The following ZFP91 variants were observed in gnomAD, a reference collection of about 807,000 sequenced individuals.
ZFP91 encodes the protein E3 ubiquitin-protein ligase ZFP91.
A neutral mutation model predicts 63.5 loss-of-function variants in ZFP91; 7 were observed. The observed-to-expected ratio is 0.11, with a 90% CI of 0.06 to 0.21. The LOEUF is 0.21. ZFP91 is among the 10% of genes least tolerant of loss of function. The probability of loss-of-function intolerance (pLI) is 1.00; values close to 1 mark genes in which losing one functional copy is unlikely to be tolerated. For synonymous variants in ZFP91, 330 were observed against 272.1 expected, an observed-to-expected ratio of 1.21 and a Z score of -2.10; for missense variants, 628 against 736.6, an observed-to-expected ratio of 0.85 and a Z score of 1.71.
At chr11:58,579,684 G>C in intron 1 of ZFP91, 62 bp downstream of exon 1, 2 of 1,412,018 alleles carry the variant, frequency 1.4e-6, no homozygotes, top group Non-Finnish European at 9.3e-7. Context: ...AACCCTCTCG[G>C]CTCCCGTAGC....
chr11:58,614,766 G>A (rs1364940312), intron 9 of ZFP91, among the ~76,000 whole-genome samples: 1 of 152,148 alleles, frequency 6.6e-6, no homozygotes, highest in Non-Finnish European at 1.5e-5. Flanking sequence ...ATAATACTCT[G>A]CTGCTATTGA....
intron 2 of ZFP91, among the ~76,000 whole-genome samples, chr11:58,609,320 A>G (rs1002316920): frequency 6.6e-6 from 1 of 152,226 alleles, no homozygotes. Flanking sequence ...TGCTCTATAG[A>G]TTAGTTCAAA....
chr11:58,616,833 G>T lies in ZFP91; in HGVS notation c.1202+18G>T. The T allele has an allele frequency of 6.2e-7, 1 of 1,606,906 alleles. No individual in the cohort carries two copies. The highest frequency in any genetic ancestry group is 1.1e-5 in the South Asian group (1 of 90,862). On this transcript the variant is annotated intron_variant, in intron 10 of 10. Coordinates refer to ENST00000316059, the MANE Select transcript of ZFP91 (RefSeq NM_053023.5). Reference sequence around the variant, plus strand: ...CCATTACAGTGAGTATTATTTACTGGTGAACATCTGGGTGAGAAGGATATA... The same window carrying T: ...CCATTACAGTGAGTATTATTTACTGTTGAACATCTGGGTGAGAAGGATATA...
intron 2 of ZFP91, among the ~76,000 whole-genome samples, chr11:58,609,303 A>T (rs1796247562): frequency 6.6e-6 from 1 of 152,248 alleles, no homozygotes; most frequent in Non-Finnish European, 1.5e-5. Context: ...GGACTTTACC[A>T]TTCAATTGCT....
At chr11:58,588,812 C>T (rs1855256371) in intron 2 of ZFP91, among the ~76,000 whole-genome samples, 1 of 151,286 alleles carries the variant, frequency 6.6e-6, no homozygotes, top group Non-Finnish European at 1.5e-5. Flanking sequence ...GCTTTTTTTC[C>T]CATTCCAGTG....
chr11:58,611,906 C>G (rs1855671446), intron 6 of ZFP91, 168 bp downstream of exon 6: 1 of 702,568 alleles, frequency 1.4e-6, no homozygotes, highest in Non-Finnish European at 2.2e-6. Flanking sequence ...TGGAGAGACT[C>G]TTAGTAAAAA....
chr11:58,594,634 A>G (rs1289728337), intron 2 of ZFP91, among the ~76,000 whole-genome samples: 1 of 152,208 alleles, frequency 6.6e-6, no homozygotes, highest in Non-Finnish European at 1.5e-5. Context: ...TCAGTGCACC[A>G]GTGGCTGATG....
intron 9 of ZFP91, among the ~76,000 whole-genome samples, chr11:58,615,604 A>G (rs1195663485): frequency 6.6e-6 from 1 of 152,216 alleles, no homozygotes; most frequent in Non-Finnish European, 1.5e-5. Context: ...AAATGTGGAC[A>G]TGACCTGGGA....
chr11:58,602,938 C>T (rs1168687226), intron 2 of ZFP91, among the ~76,000 whole-genome samples: 1 of 151,958 alleles, frequency 6.6e-6, no homozygotes, highest in Non-Finnish European at 1.5e-5. Flanking sequence ...AAGATTGCGC[C>T]GTTGCACTCC....
chr11:58,614,646 C>G (rs954487448), intron 9 of ZFP91, among the ~76,000 whole-genome samples: 1 of 152,082 alleles, frequency 6.6e-6, no homozygotes, highest in Admixed American at 6.6e-5. Context: ...TTAGTCTATT[C>G]AACACCACTA....
At chr11:58,589,289 G>C (rs1005720948) in intron 2 of ZFP91, among the ~76,000 whole-genome samples, 1 of 152,092 alleles carries the variant, frequency 6.6e-6, no homozygotes, top group Non-Finnish European at 1.5e-5. Context: ...TGCCTAGCCT[G>C]GTCTGGCTAG....
chr11:58,582,755 A>G (rs980018377), intron 1 of ZFP91, among the ~76,000 whole-genome samples: 2 of 152,168 alleles, frequency 1.3e-5, no homozygotes, highest in Non-Finnish European at 2.9e-5. Flanking sequence ...GAGATGACAT[A>G]TTTAGCTTAC....
intron 2 of ZFP91, among the ~76,000 whole-genome samples, chr11:58,598,832 G>A (rs150844358): frequency 6.6e-4 from 100 of 151,280 alleles, no homozygotes; most frequent in African/African-American, 2.3e-3. Context: ...AAAAATACTT[G>A]AAAGCATACA....
chr11:58,613,285 G>A (rs1310838736), intron 8 of ZFP91, among the ~76,000 whole-genome samples: 3 of 152,150 alleles, frequency 2.0e-5, no homozygotes, highest in Non-Finnish European at 2.9e-5. Context: ...AGCCCATGGT[G>A]GAAGGGCAAG....
chr11:58,616,998 C>A (rs3133436), intron 10 of ZFP91, among the ~76,000 whole-genome samples, 183 bp downstream of exon 10: 6,617 of 151,904 alleles, frequency 0.044, 307 homozygotes, highest in African/African-American at 0.12. Flanking sequence ...TTCAGGCAAA[C>A]AGAAGAAGAT....
rs1468157634 is a variant in ZFP91, at chr11:58,611,718, G to C, written c.837G>C (p.Glu279Asp). The change falls in exon 6 of 11, where the codon GAG becomes GAC. Residue 279 changes from glutamate (E) to aspartate (D), a missense_variant. Physicochemically the swap from Glu to Asp is conservative, Grantham distance 45. Coordinates refer to ENST00000316059, the MANE Select transcript of ZFP91 (RefSeq NM_053023.5). ...AAGAAGAGGAGAATGAAATTAGAGA[G>C]GATGAGGAACCTCCAAGGAAGTGAG... ...EVKEEENEIR[E>D]DEEPPRKRGR... The C allele has an allele frequency of 6.2e-7, 1 of 1,609,944 alleles. No individual in the cohort carries two copies. The highest frequency in any genetic ancestry group is 1.7e-5 in the Admixed American group (1 of 59,666).
chr11:58,601,809 T>C (rs989866883), intron 2 of ZFP91, among the ~76,000 whole-genome samples: 2 of 152,234 alleles, frequency 1.3e-5, no homozygotes, highest in African/African-American at 2.4e-5. Context: ...TTGTGAGTTT[T>C]CTAGTTTTCC....
At chr11:58,601,924 AT>A (rs918703021) in intron 2 of ZFP91, among the ~76,000 whole-genome samples, 49 of 150,180 alleles carry the variant, frequency 3.3e-4, no homozygotes, top group East Asian at 1.4e-3. Context: ...ATGTCTGTGA[AT>A]TTTTTTTTTC....
rs1291702728 is a variant in ZFP91, at chr11:58,620,396, T to C, written c.*2690T>C. ...TAGTCAAATTCTGTTACCTTTTTAA[T>C]AACTCTTCCCACTGCATATTTCCAT... On this transcript the variant is annotated 3_prime_UTR_variant, in exon 11 of 11. Coordinates refer to ENST00000316059, the MANE Select transcript of ZFP91 (RefSeq NM_053023.5). The C allele has an allele frequency of 6.6e-6, 1 of 152,280 alleles. No homozygotes were observed. Among genetic ancestry groups the C allele is most frequent in the Non-Finnish European group, 1.5e-5 (1 of 68,034 alleles). The allele number at this position is 152,280 out of a possible 1,614,324, so 9.4% of individuals were successfully genotyped here. A position where few individuals can be genotyped will look rare whatever the true frequency, so the allele number is the denominator to read the frequency against.
Sources: allele counts gnomAD v4.1 joint callset (sites outside exome capture counted in the v4.1 genomes callset), GRCh38; gene constraint gnomAD v4.1.1; transcripts MANE v1.5; gene names NCBI Gene and HGNC (gene_info 2026-07-23, HGNC 2026-07-21).